The following JADE3 variants were observed in gnomAD, a reference collection of about 807,000 sequenced individuals.
JADE3 encodes the protein jade family PHD finger 3.
Under a neutral mutation model 50.1 loss-of-function variants are expected in JADE3, and 2 were observed. The ratio of observed to expected loss-of-function variants is 0.04; its 90% CI spans 0.02 to 0.13. The LOEUF (loss-of-function observed/expected upper bound fraction) is 0.13. JADE3 is among the 10% of genes least tolerant of loss of function. JADE3 has a pLI of 1.00. For missense variants in JADE3, 475 were observed against 634.4 expected (o/e 0.75, Z 2.70); for synonymous variants, 218 against 232.9 (o/e 0.94, Z 0.58).
chrX:46,965,555 G>T (rs1927349040), intron 1 of JADE3, among the ~76,000 whole-genome samples: 2 of 111,553 alleles, frequency 1.8e-5, no homozygotes, highest in African/African-American at 3.3e-5. Context: ...TTGTCAAAGT[G>T]TGGGTGAGTC....
At chrX:46,971,198 C>T (rs1927477732) in intron 1 of JADE3, among the ~76,000 whole-genome samples, 1 of 100,954 alleles carries the variant, frequency 9.9e-6, no homozygotes, top group African/African-American at 3.7e-5. Context: ...TCACTGCAAC[C>T]TCTGCCTCCT....
chrX:47,017,180 A>G (rs1928693309), intron 4 of JADE3, among the ~76,000 whole-genome samples: 2 of 111,360 alleles, frequency 1.8e-5, no homozygotes, highest in Admixed American at 9.6e-5. Flanking sequence ...AGTATAGTGT[A>G]TATATGTGGT....
chrX:46,946,768 A>G (rs1926892021), intron 1 of JADE3, among the ~76,000 whole-genome samples: 1 of 112,126 alleles, frequency 8.9e-6, no homozygotes, highest in Non-Finnish European at 1.9e-5. Flanking sequence ...TCTTGGGAGT[A>G]TCTATATCAC....
intron 1 of JADE3, among the ~76,000 whole-genome samples, chrX:46,962,530 G>T (rs1556347955): frequency 1.8e-5 from 2 of 111,024 alleles, no homozygotes; most frequent in Admixed American, 9.6e-5. Flanking sequence ...CTTAAGTCTG[G>T]TAAGTGGAAT....
At position 47,059,293 on chromosome X, in the gene JADE3, CAG is replaced by C. The variant is rs1929710131; in HGVS notation, c.*219_*220del. ...GCAGGTTGTCCAGAGGTTGGTTTGT[CAG>C]AGGCTATTGGGAACAGCTGGGCCCA... is the stretch of plus-strand genomic sequence containing the variant. On this transcript the variant is annotated 3_prime_UTR_variant, in exon 11 of 11. Transcript: ENST00000614628. 2.7e-6 allele frequency: 1 copy of C among 376,169 alleles called. No individual in the cohort carries two copies. The highest frequency in any genetic ancestry group is 2.6e-5 in the African/African-American group (1 of 38,995). The allele number at this position is 376,169 out of a possible 1,213,427, so 31.0% of individuals were successfully genotyped here.
In JADE3 at chrX:47,012,463, C is replaced by T. The variant is rs781880633; in HGVS notation, c.285-12261C>T. Among the ~76,000 whole-genome samples, 7 of 110,677 alleles carry T rather than the reference C, an allele frequency of 6.3e-5. No homozygotes were observed. In the South Asian group the frequency reaches 2.7e-3, roughly 43 times the overall value. ...AGCCATGGTGGCGCATACCTATAGT[C>T]CCAGCTGTTCAAGAGACTTACGTGG... On this transcript the variant is annotated intron_variant, in intron 4 of 10. Coordinates refer to ENST00000614628, the MANE Select transcript of JADE3 (RefSeq NM_014735.5).
rs1437574900 is a variant in JADE3 at position 47,058,461 on chromosome X, C to G, written c.1856C>G (p.Ser619Cys). Reference protein sequence around the residue: ...LSHSRSEAKESSPAWRTPSSE... With the variant: ...LSHSRSEAKECSPAWRTPSSE... ...CATTCTAGGAGTGAAGCAAAGGAGT[C>G]CAGTCCTGCTTGGAGAACCCCGTCC... Residue 619 changes from serine to cysteine, a missense_variant, in exon 11 of 11, where the codon TCC (serine) becomes TGC (cysteine). Around this residue, in one of 6 missense-constraint regions of JADE3, gnomAD observed 243 missense variants for 238.2 expected, o/e 1.02. Coordinates refer to ENST00000614628, the MANE Select transcript of JADE3 (RefSeq NM_014735.5). The G allele has an allele frequency of 4.1e-6, 5 of 1,211,341 alleles. No homozygotes were observed. Among genetic ancestry groups the G allele is most frequent in the Non-Finnish European group, 5.6e-6 (5 of 895,205 alleles).
chrX:47,058,231 G>A lies in JADE3; in HGVS notation c.1626G>A (p.Lys542=). ...ACCCACCACCAAGAATTACCTTGAA[G>A]TTAAAAATGCCCAAATCAACCCCAG... ...LFYPPPRITL[K]LKMPKSTPED... Residue 542 remains lysine, a synonymous_variant, in exon 11 of 11, where the codon AAG becomes AAA. Transcript: ENST00000614628. 2.5e-6 allele frequency: 3 copies of A among 1,210,439 alleles called. No individual in the cohort carries two copies. The highest frequency in any genetic ancestry group is 3.4e-6 in the Non-Finnish European group (3 of 894,840).
At chrX:47,048,634 A>G (rs1259148495) in intron 8 of JADE3, among the ~76,000 whole-genome samples, 2 of 112,074 alleles carry the variant, frequency 1.8e-5, no homozygotes, top group Non-Finnish European at 3.8e-5. Context: ...GAATAGGCAC[A>G]TCAATAGAGA....
chrX:46,959,395 T>C (rs1487281990), intron 1 of JADE3, among the ~76,000 whole-genome samples: 1 of 112,081 alleles, frequency 8.9e-6, no homozygotes, highest in Non-Finnish European at 1.9e-5. Flanking sequence ...TGAGCCCTGA[T>C]TCATTCTTCA....
chrX:46,928,370 C>T (rs1926416527), intron 1 of JADE3, among the ~76,000 whole-genome samples: 1 of 111,643 alleles, frequency 9.0e-6, no homozygotes, highest in Non-Finnish European at 1.9e-5. Flanking sequence ...TCACTTTGGC[C>T]CTAATGCCAT....
chrX:46,979,284 T>C (rs1189151205), intron 1 of JADE3, among the ~76,000 whole-genome samples: 1 of 112,336 alleles, frequency 8.9e-6, no homozygotes, highest in African/African-American at 3.2e-5. Flanking sequence ...ACTCTTTTAC[T>C]TAAAGAACAG....
intron 1 of JADE3, among the ~76,000 whole-genome samples, chrX:46,939,830 A>G: frequency 8.9e-6 from 1 of 112,419 alleles, no homozygotes; most frequent in Admixed American, 9.5e-5. Flanking sequence ...CTGTTTTTGT[A>G]CAGTCCATAA....
In JADE3 at chrX:46,984,866, T is replaced by C; in HGVS notation, c.-11-18T>C. The C allele has an allele frequency of 8.4e-7, 1 of 1,188,754 alleles. No homozygotes were observed. Among genetic ancestry groups the C allele is most frequent in the Non-Finnish European group, 1.1e-6 (1 of 874,589 alleles). ...GGTGTGTGTGAACTGTTTTATTCAG[T>C]GTTTTTCTTTTTCCCAGGATGCTCC... On this transcript the variant is annotated intron_variant, in intron 1 of 10. Coordinates refer to ENST00000614628, the MANE Select transcript of JADE3 (RefSeq NM_014735.5).
In JADE3 at chrX:47,056,119, A is replaced by G; in HGVS notation, c.1481A>G (p.Lys494Arg). ...NLCYMISRRE[K>R]LKLSHNKIQE... ...TGCTATATGATAAGCAGACGAGAGA[A>G]GCTGAAGCTGTCACACAACAAAATA... Residue 494 changes from lysine to arginine, a missense_variant, in exon 10 of 11, where the codon AAG becomes AGG. Lys to Arg is a conservative substitution (Grantham distance 26). Around this residue, in one of 6 missense-constraint regions of JADE3, gnomAD observed 81 missense variants for 123.8 expected, o/e 0.65. Coordinates refer to ENST00000614628, the MANE Select transcript of JADE3 (RefSeq NM_014735.5). 2 of 1,208,300 alleles carry G rather than the reference A, an allele frequency of 1.7e-6. No individual in the cohort carries two copies. The highest frequency in any genetic ancestry group is 2.2e-6 in the Non-Finnish European group (2 of 892,559).
At chrX:46,954,318 T>C (rs1180199171) in intron 1 of JADE3, among the ~76,000 whole-genome samples, 1 of 112,025 alleles carries the variant, frequency 8.9e-6, no homozygotes, top group Admixed American at 9.5e-5. Flanking sequence ...ATTTAAGAGC[T>C]TTGTGGGCTG....
chrX:46,946,448 G>T (rs1247145673), intron 1 of JADE3, among the ~76,000 whole-genome samples: 1 of 111,789 alleles, frequency 8.9e-6, no homozygotes, highest in African/African-American at 3.3e-5. Context: ...CATGGGTTCA[G>T]ATCTCAGCTC....
intron 7 of JADE3, among the ~76,000 whole-genome samples, chrX:47,034,315 C>T (rs1291001876): frequency 9.0e-6 from 1 of 111,251 alleles, no homozygotes; most frequent in Non-Finnish European, 1.9e-5. Flanking sequence ...CTCTATCCCC[C>T]AAGAATAACC....
intron 1 of JADE3, among the ~76,000 whole-genome samples, chrX:46,984,517 A>ATTTTTT: frequency 9.1e-6 from 1 of 109,792 alleles, no homozygotes; most frequent in South Asian, 4.0e-4. Context: ...CTCATGACTG[A>ATTTTTT]CCTGTTCGTC....
Sources: gnomAD v4.1 joint callset for allele counts (sites outside exome capture counted in the v4.1 genomes callset) on GRCh38, gnomAD v4.1.1 for gene constraint, gnomAD v4.1.1 regional missense constraint, MANE v1.5 for transcripts, NCBI Gene and HGNC (gene_info 2026-07-23, HGNC 2026-07-21) for gene names.